SCHIP1: variants seen among roughly 807,000 people sequenced by gnomAD.
SCHIP1 encodes the protein schwannomin interacting protein 1, also known as schwannomin-interacting protein 1.
In SCHIP1, 8 loss-of-function variants were observed where a neutral mutation model predicts 29.7. That is an observed-to-expected ratio of 0.27 (90% CI 0.16 to 0.49). The LOEUF (loss-of-function observed/expected upper bound fraction) is 0.49. Among genes scored for constraint, SCHIP1 ranks in the 20% least tolerant of loss-of-function variants. The pLI, the probability that SCHIP1 is intolerant of heterozygous loss-of-function variation, is 0.99. For missense variants in SCHIP1, 193 were observed against 294.6 expected (o/e 0.66, Z 2.52); for synonymous variants, 76 against 94.9 (o/e 0.80, Z 1.16).
chr3:159,721,816 T>C, the SCHIP1 span: 17 of 413,672 alleles, frequency 4.1e-5, no homozygotes, highest in African/African-American at 3.6e-4. Context: ...TCCATGGAAA[T>C]GATATTATTT....
At chr3:159,345,176 A>C in the SCHIP1 span, among the ~76,000 whole-genome samples, 1 of 150,992 alleles carries the variant, frequency 6.6e-6, no homozygotes, top group East Asian at 1.9e-4. Flanking sequence ...GCAGTGAGCC[A>C]AGATCGTGAC....
At chr3:159,533,888 G>C in the SCHIP1 span, among the ~76,000 whole-genome samples, 1 of 152,138 alleles carries the variant, frequency 6.6e-6, no homozygotes, top group Non-Finnish European at 1.5e-5. Context: ...GGCCAGAGAA[G>C]GTACACTGGA....
intron 6 of SCHIP1, chr3:159,892,912 G>A (rs1215398677): frequency 6.6e-6 from 1 of 152,184 alleles, no homozygotes; most frequent in Non-Finnish European, 1.5e-5. Context: ...TTCTGAGACA[G>A]TCCATATGGA....
the SCHIP1 span, among the ~76,000 whole-genome samples, chr3:159,808,023 AGTT>A: frequency 6.6e-6 from 1 of 152,334 alleles, no homozygotes; most frequent in East Asian, 1.9e-4. Context: ...TCAGCCCTCA[AGTT>A]GTTGTCTTAG....
the SCHIP1 span, chr3:159,386,646 T>A: frequency 6.6e-6 from 1 of 152,202 alleles, no homozygotes; most frequent in East Asian, 1.9e-4. Context: ...CAAACTATAC[T>A]ACAAGGCTAC....
chr3:159,609,230 TGAG>T, the SCHIP1 span, among the ~76,000 whole-genome samples: 1 of 151,892 alleles, frequency 6.6e-6, no homozygotes, highest in African/African-American at 2.4e-5. Context: ...CCTTTAGCAA[TGAG>T]GAGGAACCAA....
chr3:159,276,936 T>G, the SCHIP1 span, among the ~76,000 whole-genome samples: 2 of 152,206 alleles, frequency 1.3e-5, no homozygotes, highest in African/African-American at 2.4e-5. Flanking sequence ...TAATTTGTCC[T>G]GTAATTCTGA....
chr3:159,819,332 CTT>C, the SCHIP1 span, among the ~76,000 whole-genome samples: 19 of 152,292 alleles, frequency 1.2e-4, 1 homozygote, highest in Non-Finnish European at 1.5e-4. Flanking sequence ...GTCACTTCTG[CTT>C]TTTGTTTCTG....
At chr3:159,336,704 T>C in the SCHIP1 span, among the ~76,000 whole-genome samples, 1 of 152,202 alleles carries the variant, frequency 6.6e-6, no homozygotes, top group Non-Finnish European at 1.5e-5. Flanking sequence ...TTGGTCTATA[T>C]CTCTGTTTTG....
chr3:159,361,486 G>A, the SCHIP1 span, among the ~76,000 whole-genome samples: 2 of 152,200 alleles, frequency 1.3e-5, no homozygotes, highest in African/African-American at 4.8e-5. Flanking sequence ...TGGAGAATGA[G>A]ATCACATGGG....
the SCHIP1 span, among the ~76,000 whole-genome samples, chr3:159,407,415 G>C: frequency 6.6e-6 from 1 of 152,168 alleles, no homozygotes; most frequent in African/African-American, 2.4e-5. Context: ...TAAAGAGAGA[G>C]ATGGGCCCCA....
chr3:159,604,884 C>T, the SCHIP1 span, among the ~76,000 whole-genome samples: 1 of 152,160 alleles, frequency 6.6e-6, no homozygotes, highest in East Asian at 1.9e-4. Context: ...ACTAATTTCT[C>T]ATAGATGATC....
chr3:159,372,836 A>G, the SCHIP1 span, among the ~76,000 whole-genome samples: 1 of 152,120 alleles, frequency 6.6e-6, no homozygotes, highest in Admixed American at 6.6e-5. Flanking sequence ...CCATTTGTGC[A>G]ATTACATGTT....
At chr3:159,829,451 CTACA>C in the SCHIP1 span, among the ~76,000 whole-genome samples, 124 of 152,214 alleles carry the variant, frequency 8.1e-4, 1 homozygote, top group East Asian at 0.018. Flanking sequence ...CAGAATACAA[CTACA>C]AATGAGATAG....
chr3:159,862,410 A>G (rs1714156678), intron 1 of SCHIP1, among the ~76,000 whole-genome samples: 1 of 152,228 alleles, frequency 6.6e-6, no homozygotes, highest in South Asian at 2.1e-4. Context: ...TTGTTGGAGT[A>G]TGAACTATAA....
the SCHIP1 span, among the ~76,000 whole-genome samples, chr3:159,355,598 G>T: frequency 6.6e-6 from 1 of 152,154 alleles, no homozygotes; most frequent in Admixed American, 6.5e-5. Context: ...ATTTATCCTG[G>T]ATTCAAAATT....
At chr3:159,846,205 G>A (rs1421202437) in intron 1 of SCHIP1, among the ~76,000 whole-genome samples, 1 of 152,126 alleles carries the variant, frequency 6.6e-6, no homozygotes, top group African/African-American at 2.4e-5. Flanking sequence ...GCCTTATAGA[G>A]GGATAATTTT....
At chr3:159,474,109 T>C in the SCHIP1 span, among the ~76,000 whole-genome samples, 1 of 152,170 alleles carries the variant, frequency 6.6e-6, no homozygotes, top group Non-Finnish European at 1.5e-5. Context: ...TTAAGCATTT[T>C]TCAATAATAA....
At chr3:159,790,032 C>A in the SCHIP1 span, among the ~76,000 whole-genome samples, 1 of 152,166 alleles carries the variant, frequency 6.6e-6, no homozygotes, top group Non-Finnish European at 1.5e-5. Flanking sequence ...CCAGAAGGGT[C>A]ATATTCTCAG....
Sources: gnomAD v4.1 joint callset for allele counts (sites outside exome capture counted in the v4.1 genomes callset) on GRCh38, gnomAD v4.1.1 for gene constraint, MANE v1.5 for transcripts, NCBI Gene and HGNC (gene_info 2026-07-23, HGNC 2026-07-21) for gene names.